COBL: variants seen among roughly 807,000 people sequenced by gnomAD.
COBL encodes cordon-bleu WH2 repeat protein.
A neutral mutation model predicts 98.8 loss-of-function variants in COBL; 51 were observed. The observed-to-expected ratio is 0.52, with a 90% CI of 0.41 to 0.65. The LOEUF (loss-of-function observed/expected upper bound fraction) is 0.65, where lower values mean the gene tolerates loss of function less well. COBL is among the 30% of genes least tolerant of loss of function. The pLI, the probability that COBL is intolerant of heterozygous loss-of-function variation, is 0.00. For synonymous variants in COBL, 634 were observed against 651.7 expected (o/e 0.97, Z 0.41); for missense variants, 1,617 against 1,617.5 (o/e 1.00, Z 0.01).
At chr7:51,273,932 C>A (rs1437886249) in intron 1 of COBL, among the ~76,000 whole-genome samples, 1 of 152,104 alleles carries the variant, frequency 6.6e-6, no homozygotes, top group Non-Finnish European at 1.5e-5. Flanking sequence ...CTGGTGACGC[C>A]AACTCCCCCT....
intron 7 of COBL, chr7:51,071,624 G>A (rs1424184766): frequency 6.6e-6 from 1 of 152,028 alleles, no homozygotes; most frequent in Non-Finnish European, 1.5e-5. Context: ...CATCATATTT[G>A]CTGCCTCTCG....
intron 6 of COBL, among the ~76,000 whole-genome samples, chr7:51,131,584 ATTC>A (rs1300032746): frequency 2.7e-4 from 40 of 150,400 alleles, no homozygotes; most frequent in Admixed American, 8.6e-4. Flanking sequence ...ACAGTAATTG[ATTC>A]TTCTTCTTTT....
At chr7:51,031,485 T>C in intron 8 of COBL, 1 of 152,782 alleles carries the variant, frequency 6.5e-6, no homozygotes, top group Non-Finnish European at 1.5e-5. Context: ...TCGTTCAAGG[T>C]CCCAGTGATA....
At chr7:51,095,524 T>C (rs1795194906) in intron 6 of COBL, among the ~76,000 whole-genome samples, 1 of 152,034 alleles carries the variant, frequency 6.6e-6, no homozygotes, top group Admixed American at 6.6e-5. Context: ...CCTTCTCTAT[T>C]AGTAAATAAT....
At chr7:51,133,513 C>A (rs989839391) in intron 6 of COBL, among the ~76,000 whole-genome samples, 89 of 152,118 alleles carry the variant, frequency 5.9e-4, no homozygotes, top group Middle Eastern at 3.4e-3. Flanking sequence ...ATGTTCAGGC[C>A]CCATCCAGAC....
chr7:51,250,557 G>A (rs1796638976), intron 1 of COBL, among the ~76,000 whole-genome samples: 2 of 152,010 alleles, frequency 1.3e-5, no homozygotes, highest in Admixed American at 1.3e-4. Context: ...AAATACAGAG[G>A]CATTTACTTC....
intron 7 of COBL, among the ~76,000 whole-genome samples, chr7:51,044,555 G>GT (rs768929863): frequency 6.6e-6 from 1 of 152,122 alleles, no homozygotes; most frequent in Non-Finnish European, 1.5e-5. Context: ...AGTTGTTATT[G>GT]TTTTTTAATA....
intron 6 of COBL, among the ~76,000 whole-genome samples, chr7:51,117,496 G>C (rs753554081): frequency 2.0e-5 from 3 of 151,970 alleles, no homozygotes; most frequent in Non-Finnish European, 4.4e-5. Flanking sequence ...GGGCCCATCA[G>C]TGAAATTTTT....
At chr7:51,153,038 T>C (rs760826131) in intron 5 of COBL, among the ~76,000 whole-genome samples, 2 of 152,222 alleles carry the variant, frequency 1.3e-5, no homozygotes, top group Non-Finnish European at 2.9e-5. Context: ...CCTACTATTG[T>C]ATATCGTAAG....
chr7:51,306,159 G>A (rs1161443568), intron 1 of COBL, among the ~76,000 whole-genome samples: 1 of 152,108 alleles, frequency 6.6e-6, no homozygotes, highest in Non-Finnish European at 1.5e-5. Context: ...GTGACACTAG[G>A]CACCATGAAC....
At chr7:51,316,546 C>A in intron 1 of COBL, 47 bp downstream of exon 1, 1 of 1,201,650 alleles carries the variant, frequency 8.3e-7, no homozygotes, top group South Asian at 3.7e-5. Flanking sequence ...GGCGTCCGAG[C>A]CCAGGGAAGC....
Position 51,086,718 on chromosome 7 carries a change from AT to A in COBL, c.958-1415del, listed in dbSNP as rs200256439. 4.3e-3 allele frequency among the ~76,000 whole-genome samples: 652 copies of A among 152,326 alleles called. 2 individuals carry two copies. The highest frequency in any genetic ancestry group is 6.6e-3 in the Non-Finnish European group (450 of 68,030). The stretch of plus-strand genomic sequence containing the variant: ...ACATTTATTGCAAAAAAGTTAAAAA[AT>A]ATATGTAAAAGGAAGAACATAATCA... On this transcript the variant is annotated intron_variant, in intron 6 of 12. Coordinates refer to ENST00000265136, the MANE Select transcript of COBL (RefSeq NM_015198.5).
At chr7:51,061,950 T>TACACACAC (rs3047134) in intron 7 of COBL, among the ~76,000 whole-genome samples, 152 of 145,536 alleles carry the variant, frequency 1.0e-3, no homozygotes, top group African/African-American at 3.9e-3. Context: ...CCACCATAGA[T>TACACACAC]ACACACACAC....
intron 7 of COBL, among the ~76,000 whole-genome samples, chr7:51,081,922 A>C (rs1013049447): frequency 3.8e-4 from 58 of 151,894 alleles, no homozygotes; most frequent in Non-Finnish European, 1.5e-4. Flanking sequence ...TGATAAGCCT[A>C]ACCCTTCCTT....
intron 1 of COBL, among the ~76,000 whole-genome samples, chr7:51,311,050 G>C (rs80223203): frequency 6.6e-6 from 1 of 152,162 alleles, no homozygotes; most frequent in Non-Finnish European, 1.5e-5. Flanking sequence ...GTGTGGTGCA[G>C]GTGGGAACTG....
At chr7:51,234,039 A>C (rs896352973) in intron 1 of COBL, among the ~76,000 whole-genome samples, 145 of 152,254 alleles carry the variant, frequency 9.5e-4, no homozygotes, top group Non-Finnish European at 1.9e-3. Flanking sequence ...CCAGTAAGAA[A>C]AGCAGAAAAG....
intron 2 of COBL, among the ~76,000 whole-genome samples, chr7:51,209,425 C>T (rs1792192526): frequency 6.6e-6 from 1 of 152,186 alleles, no homozygotes; most frequent in Non-Finnish European, 1.5e-5. Context: ...TGGGCAGCCC[C>T]AACCCTCCAG....
At chr7:51,116,174 T>C (rs972775464) in intron 6 of COBL, among the ~76,000 whole-genome samples, 4 of 152,144 alleles carry the variant, frequency 2.6e-5, no homozygotes, top group Non-Finnish European at 5.9e-5. Flanking sequence ...GTGTTTAGTC[T>C]GTTAACATTT....
At chr7:51,270,839 C>CAA (rs113431445) in intron 1 of COBL, among the ~76,000 whole-genome samples, 10,153 of 149,026 alleles carry the variant, frequency 0.068, 546 homozygotes, top group East Asian at 0.3. Flanking sequence ...AAATCAAAAC[C>CAA]AAAAAAAAAC....
Sources: gnomAD v4.1 joint callset for allele counts (sites outside exome capture counted in the v4.1 genomes callset) on GRCh38, gnomAD v4.1.1 for gene constraint, MANE v1.5 for transcripts, NCBI Gene and HGNC (gene_info 2026-07-23, HGNC 2026-07-21) for gene names.